The following CDK11B variants were observed in gnomAD, a reference collection of about 807,000 sequenced individuals.
CDK11B encodes cyclin-dependent kinase 11B.
A neutral mutation model predicts 84.0 loss-of-function variants in CDK11B; 37 were observed. The ratio of observed to expected loss-of-function variants is 0.44; its 90% CI spans 0.34 to 0.58. The LOEUF is 0.58. Ranked by LOEUF, CDK11B falls within the 20% of genes least tolerant of loss-of-function variation. The probability of loss-of-function intolerance (pLI) is 0.02; values close to 1 mark genes in which losing one functional copy is unlikely to be tolerated. For synonymous variants in CDK11B, 269 were observed against 309.8 expected (o/e 0.87, Z 1.38); for missense variants, 427 against 834.0 (o/e 0.51, Z 6.01).
chr1:1,653,433 G>C (rs1055774257), intron 3 of CDK11B, among the ~76,000 whole-genome samples: 1 of 151,930 alleles, frequency 6.6e-6, no homozygotes, highest in African/African-American at 2.4e-5. Context: ...CAATTCTCCT[G>C]CCTCAGCCTC....
At chr1:1,649,764 C>A in intron 4 of CDK11B, 127 bp from the exon 5 acceptor site, 1 of 833,844 alleles carries the variant, frequency 1.2e-6, no homozygotes. Context: ...CACCTGAGGT[C>A]AGGAGTTCAA....
intron 2 of CDK11B, among the ~76,000 whole-genome samples, chr1:1,656,159 TCA>T (rs1642719098): frequency 2.0e-5 from 3 of 151,940 alleles, no homozygotes; most frequent in African/African-American, 4.8e-5. Context: ...ATAAAGTGAG[TCA>T]CACAGATTTT....
intron 3 of CDK11B, chr1:1,654,028 CA>C: frequency 2.4e-6 from 1 of 412,038 alleles, no homozygotes; most frequent in Non-Finnish European, 4.8e-6. Context: ...ACAACAACAA[CA>C]AAACAATCTT....
In CDK11B at chr1:1,654,912, C is replaced by T. The variant is rs1305315052; in HGVS notation, c.227+457G>A. 2.6e-5 allele frequency among the ~76,000 whole-genome samples: 4 copies of T among 152,070 alleles called. No individual in the cohort carries two copies. The East Asian group carries it at 7.7e-4, about 29-fold the overall frequency. Reference sequence around the variant, plus strand: ...TGACCTTGTGATCCGCCCACCTCGGCCTCCCAAAGTGCTGGGATTACAGGC... The same window carrying T: ...TGACCTTGTGATCCGCCCACCTCGGTCTCCCAAAGTGCTGGGATTACAGGC... On this transcript the variant is annotated intron_variant, in intron 3 of 19. Coordinates refer to ENST00000341832, the MANE Select transcript of CDK11B (RefSeq NM_033486.3).
chr1:1,653,999 ACT>A (rs1481902559), intron 3 of CDK11B: 2 of 393,518 alleles, frequency 5.1e-6, no homozygotes, highest in Non-Finnish European at 5.0e-6. Context: ...ACAGGGTAAG[ACT>A]CTGTGTCAAA....
chr1:1,636,467 A>C lies in CDK11B; in HGVS notation c.1932T>G (p.Pro644=). The C allele has an allele frequency of 6.3e-7, 1 of 1,579,450 alleles. No homozygotes were observed. Among genetic ancestry groups the C allele is most frequent in the Non-Finnish European group, 8.5e-7 (1 of 1,170,666 alleles). ...TGTAGCCGGGCCAGATTTTCTCACT[A>C]GGGGTCCCCAGATCCTGAAAGACAG... The part of the protein sequence containing the change: ...INKVFKDLGT[P]SEKIWPGYSE... The change falls in exon 18 of 20, where the codon CCT becomes CCG. Residue 644 remains proline (P), a synonymous_variant. Transcript: ENST00000341832.
intron 1 of CDK11B, among the ~76,000 whole-genome samples, 191 bp downstream of exon 1, chr1:1,658,723 C>CT (rs1317956780): frequency 1.3e-5 from 2 of 149,548 alleles, no homozygotes; most frequent in African/African-American, 4.9e-5. Context: ...CAGACGTTGG[C>CT]TCCAGACAGC....
At chr1:1,650,037 G>T (rs1182084923) in intron 4 of CDK11B, among the ~76,000 whole-genome samples, 9 of 151,026 alleles carry the variant, frequency 6.0e-5, no homozygotes, top group Admixed American at 5.9e-4. Context: ...ACTCTGGGAG[G>T]CCGAGGTGGG....
intron 14 of CDK11B, 81 bp downstream of exon 14, chr1:1,637,327 C>T (rs1639505749): frequency 1.9e-6 from 3 of 1,570,562 alleles, no homozygotes; most frequent in Admixed American, 3.8e-5. Flanking sequence ...AGCTGGCCCT[C>T]CCTGCAGCAC....
Position 1,646,181 on chromosome 1 carries a change from A to G in CDK11B, c.495-919T>C, listed in dbSNP as rs746546283. On this transcript the variant is annotated intron_variant, in intron 5 of 19. Coordinates refer to ENST00000341832, the MANE Select transcript of CDK11B (RefSeq NM_033486.3). ...GCATACAGTTAGATCTTGTTTTTCT[A>G]TCTGATAATCTGCCCTGTCTGTTTG... The G allele has an allele frequency of 4.7e-5, 19 of 404,100 alleles. 1 individual carries two copies. Among genetic ancestry groups the G allele is most frequent in the Middle Eastern group, 6.4e-4 (1 of 1,572 alleles). The allele number at this position is 404,100 out of a possible 1,614,324, so 25.0% of individuals were successfully genotyped here. A position where few individuals can be genotyped will look rare whatever the true frequency, so the allele number is the denominator to read the frequency against.
intron 5 of CDK11B, among the ~76,000 whole-genome samples, chr1:1,649,253 C>G (rs1479432361): frequency 6.6e-6 from 1 of 152,118 alleles, no homozygotes; most frequent in African/African-American, 2.4e-5. Context: ...GTGCCCGCCA[C>G]CATGCCCAGC....
chr1:1,637,005 C>T lies in CDK11B; in HGVS notation c.1693-1G>A, dbSNP rs1403282942. On this transcript the variant is annotated splice_acceptor_variant, in intron 15 of 19. Coordinates refer to ENST00000341832, the MANE Select transcript of CDK11B (RefSeq NM_033486.3). LOFTEE classifies it high-confidence loss of function. ...CCCGCGCCAGCCCGAAGTCACCCAC[C>T]TGCAACGACAGATGGGCGGCTGTGA... 3.1e-6 allele frequency: 5 copies of T among 1,612,722 alleles called. No individual in the cohort carries two copies. Among genetic ancestry groups the T allele is most frequent in the Non-Finnish European group, 4.2e-6 (5 of 1,179,316 alleles).
intron 2 of CDK11B, among the ~76,000 whole-genome samples, chr1:1,656,607 G>C (rs565560864): frequency 8.5e-5 from 13 of 152,134 alleles, no homozygotes; most frequent in Non-Finnish European, 1.3e-4. Context: ...GGCTGACACC[G>C]TGAGACCCCA....
chr1:1,636,320 G>A lies in CDK11B; in HGVS notation c.2066+13C>T, dbSNP rs1473039284. The A allele has an allele frequency of 2.1e-5, 33 of 1,557,808 alleles. 1 individual carries two copies. The South Asian group carries it at 3.6e-4, about 17-fold the overall frequency. On this transcript the variant is annotated intron_variant, in intron 18 of 19. Coordinates refer to ENST00000341832, the MANE Select transcript of CDK11B (RefSeq NM_033486.3). ...GCTCGGGACCTCCCGCCACCCGGCT[G>A]CACTGGGCTCACTTGTTCATGAGGT...
chr1:1,645,998 C>G, intron 5 of CDK11B: 1 of 478,922 alleles, frequency 2.1e-6, no homozygotes, highest in Non-Finnish European at 4.2e-6. Flanking sequence ...GCCACCACAC[C>G]CAGGTGATTT....
chr1:1,648,955 C>T (rs1641534536), intron 5 of CDK11B, among the ~76,000 whole-genome samples: 1 of 152,006 alleles, frequency 6.6e-6, no homozygotes, highest in Non-Finnish European at 1.5e-5. Flanking sequence ...TTTCTGATCC[C>T]TTCATTGTCT....
rs1339450092 is a variant in CDK11B at position 1,641,701 on chromosome 1, TCTCCTC to T, written c.964_969del (p.Glu322_Glu323del). 3 of 1,199,516 alleles carry T rather than the reference TCTCCTC, an allele frequency of 2.5e-6. No individual in the cohort carries two copies. Among genetic ancestry groups the T allele is most frequent in the Non-Finnish European group, 2.3e-6 (2 of 872,044 alleles). The allele number at this position is 1,199,516 out of a possible 1,614,324, so 74.3% of individuals were successfully genotyped here. Reference sequence around the variant, plus strand: ...GATGCCTCCTCAGAGTTGCTGCCGGTCTCCTCCTCCTCCTCTTCCTCTTCCTCCTCC... The same window carrying T: ...GATGCCTCCTCAGAGTTGCTGCCGGTCTCCTCCTCTTCCTCTTCCTCCTCC... On this transcript the variant is annotated inframe_deletion, in exon 9 of 20. Transcript: ENST00000341832.
intron 3 of CDK11B, among the ~76,000 whole-genome samples, chr1:1,654,759 C>A (rs563127785): frequency 6.6e-6 from 1 of 151,650 alleles, no homozygotes; most frequent in Non-Finnish European, 1.5e-5. Flanking sequence ...CCTGGGTTCA[C>A]GCCATTCTCT....
At chr1:1,644,696 T>C (rs1640754953) in intron 6 of CDK11B, among the ~76,000 whole-genome samples, 1 of 151,878 alleles carries the variant, frequency 6.6e-6, no homozygotes, top group Non-Finnish European at 1.5e-5. Flanking sequence ...TGGGTGACTA[T>C]AAAAGCTCGT....
Sources: gnomAD v4.1 joint callset for allele counts (sites outside exome capture counted in the v4.1 genomes callset) on GRCh38, gnomAD v4.1.1 for gene constraint, MANE v1.5 for transcripts, NCBI Gene and HGNC (gene_info 2026-07-23, HGNC 2026-07-21) for gene names.